UNC5A: variants seen among roughly 807,000 people sequenced by gnomAD.
UNC5A encodes the protein unc-5 netrin receptor A.
A neutral mutation model predicts 87.4 loss-of-function variants in UNC5A; 20 were observed. The ratio of observed to expected loss-of-function variants is 0.23; its 90% confidence interval spans 0.16 to 0.33. The LOEUF is 0.33. Ranked by LOEUF, UNC5A falls within the 10% of genes least tolerant of loss-of-function variation. The pLI is 1.00. For missense variants in UNC5A, 844 were observed against 1,133.4 expected, an observed-to-expected ratio of 0.74 and a Z score of 3.67; for synonymous variants, 438 against 482.3, an observed-to-expected ratio of 0.91 and a Z score of 1.20.
In UNC5A at chr5:176,862,862, G is replaced by A. The variant is rs375786801; in HGVS notation, c.292+17G>A. ...GGAGCAGTGGTGAGCCGCATGGGGC[G>A]CCAGGCAGGGCCAATCCGGGGGAGG... On this transcript the variant is annotated intron_variant, in intron 2 of 14. Transcript: ENST00000329542. The A allele has an allele frequency of 1.2e-5, 19 of 1,611,068 alleles. No homozygotes were observed. Among genetic ancestry groups the A allele is most frequent in the East Asian group, 6.7e-5 (3 of 44,834 alleles).
At chr5:176,858,916 G>T (rs1379123304) in intron 1 of UNC5A, among the ~76,000 whole-genome samples, 2 of 152,150 alleles carry the variant, frequency 1.3e-5, no homozygotes, top group African/African-American at 4.8e-5. Flanking sequence ...CCGGGACACC[G>T]AGGGGGGGAC....
chr5:176,838,141 A>T lies in UNC5A; in HGVS notation c.71-24483A>T, dbSNP rs761126291. On this transcript the variant is annotated intron_variant, in intron 1 of 14. Transcript: ENST00000329542. The surrounding 1 kb of genome is among the most constrained non-coding windows in gnomAD (Gnocchi z 4.2). ...TCCAGGCAAAGTGGCCCTGCAGGTC[A>T]TGAAGTGTGAACAATTTATTATTTC... is the stretch of plus-strand genomic sequence containing the variant. Among the ~76,000 whole-genome samples, 12 of 152,174 alleles carry T rather than the reference A, an allele frequency of 7.9e-5. No individual in the cohort carries two copies. The highest frequency in any genetic ancestry group is 1.6e-4 in the Non-Finnish European group (11 of 68,030).
At chr5:176,872,592 A>G (rs1417606375) in intron 6 of UNC5A, among the ~76,000 whole-genome samples, 1 of 120,232 alleles carries the variant, frequency 8.3e-6, no homozygotes, top group Non-Finnish European at 1.7e-5. Flanking sequence ...TCGCCCCAAC[A>G]CCACAGCTTC....
intron 1 of UNC5A, among the ~76,000 whole-genome samples, chr5:176,855,923 C>T (rs1347401814): frequency 6.6e-6 from 1 of 152,202 alleles, no homozygotes; most frequent in East Asian, 1.9e-4. Context: ...AAGGGGCTGC[C>T]ACCCTGGCCC....
At chr5:176,817,142 G>A (rs1253739839) in intron 1 of UNC5A, among the ~76,000 whole-genome samples, 1 of 152,176 alleles carries the variant, frequency 6.6e-6, no homozygotes, top group African/African-American at 2.4e-5. Flanking sequence ...TGTGGTGGGA[G>A]CGCCAAGGGC....
chr5:176,870,695 A>G lies in UNC5A; in HGVS notation c.886+161A>G, dbSNP rs185090333. The G allele has an allele frequency of 3.0e-5, 25 of 820,188 alleles. No individual in the cohort carries two copies. In the Admixed American group the frequency reaches 5.9e-4, roughly 20 times the overall value. The allele number at this position is 820,188 out of a possible 1,614,324, so 50.8% of individuals were successfully genotyped here. ...CCCCTCATCCTTAGCATACCTGCAC[A>G]TGGGCCCAGGCGCGCCCCACCACCT... is the stretch of plus-strand genomic sequence containing the variant. On this transcript the variant is annotated intron_variant, in intron 6 of 14. Coordinates refer to ENST00000329542, the MANE Select transcript of UNC5A (RefSeq NM_133369.3).
rs1340053238 is a variant in UNC5A at position 176,875,941 on chromosome 5, G to A, written c.1379-1251G>A. Reference sequence around the variant, plus strand: ...CCCCTCATGGGGCTGTTGGGATGACGAGGTGAGACGGCATCTGTCAGCTCT... The same window carrying A: ...CCCCTCATGGGGCTGTTGGGATGACAAGGTGAGACGGCATCTGTCAGCTCT... On this transcript the variant is annotated intron_variant, in intron 8 of 14. Coordinates refer to ENST00000329542, the MANE Select transcript of UNC5A (RefSeq NM_133369.3). This position sits in a 1 kb window ranked among gnomAD's most constrained non-coding sequence, Gnocchi z 5.2. Among the ~76,000 whole-genome samples the A allele has an allele frequency of 2.6e-5, 4 of 152,268 alleles. No individual in the cohort carries two copies. The East Asian group carries it at 5.8e-4, about 22-fold the overall frequency.
chr5:176,811,934 G>A (rs966937615), intron 1 of UNC5A, among the ~76,000 whole-genome samples: 13 of 152,188 alleles, frequency 8.5e-5, no homozygotes, highest in Admixed American at 8.5e-4. Flanking sequence ...CAATGAGTGG[G>A]AGCTCAGGAG....
At chr5:176,812,702 G>A (rs1386804683) in intron 1 of UNC5A, among the ~76,000 whole-genome samples, 1 of 152,186 alleles carries the variant, frequency 6.6e-6, no homozygotes, top group Non-Finnish European at 1.5e-5. Context: ...TGCCCAGGGA[G>A]TCGGCAGGTG....
At chr5:176,847,810 G>A (rs1239961051) in intron 1 of UNC5A, among the ~76,000 whole-genome samples, 1 of 152,060 alleles carries the variant, frequency 6.6e-6, no homozygotes, top group African/African-American at 2.4e-5. Flanking sequence ...CACCCAAAGA[G>A]GCCCCTGGCC....
chr5:176,845,486 T>C (rs1441064224), intron 1 of UNC5A, among the ~76,000 whole-genome samples: 1 of 152,250 alleles, frequency 6.6e-6, no homozygotes, highest in African/African-American at 2.4e-5. Flanking sequence ...CGTTATGCAC[T>C]GCACCTGTGC....
chr5:176,879,314 C>G lies in UNC5A; in HGVS notation c.2189C>G (p.Thr730Arg). Residue 730 changes from threonine (T) to arginine (R), a missense_variant, in exon 14 of 15, where the codon ACA (threonine) becomes AGA (arginine). Transcript: ENST00000329542. ...FSINFNITKD[T>R]RFAELLALES... ...CTCTTTCCCTCCCACCTCCAGGACA[C>G]AAGGTTTGCTGAGCTGCTGGCTCTG... is the stretch of plus-strand genomic sequence containing the variant. 6.3e-7 allele frequency: 1 copy of G among 1,598,550 alleles called. No homozygotes were observed. The highest frequency in any genetic ancestry group is 8.5e-7 in the Non-Finnish European group (1 of 1,172,852).
chr5:176,811,334 G>T (rs1249062521), intron 1 of UNC5A, among the ~76,000 whole-genome samples: 2 of 152,154 alleles, frequency 1.3e-5, no homozygotes, highest in African/African-American at 4.8e-5. Context: ...CTCTGTCCCC[G>T]CCACACACGC....
At chr5:176,878,731 C>A in intron 13 of UNC5A, 92 bp downstream of exon 13, 20 of 1,480,100 alleles carry the variant, frequency 1.4e-5, no homozygotes, top group Non-Finnish European at 1.7e-5. Context: ...CCTGCCCTGC[C>A]ACCCACTCTC....
chr5:176,840,544 A>G lies in UNC5A; in HGVS notation c.71-22080A>G, dbSNP rs948484363. ...TTCATCTCTTTCTGCCTTTGAGAGA[A>G]CCCTCACCCTGTCTAGGATCCATTG... is the stretch of plus-strand genomic sequence containing the variant. On this transcript the variant is annotated intron_variant, in intron 1 of 14. Transcript: ENST00000329542. 3.9e-5 allele frequency among the ~76,000 whole-genome samples: 6 copies of G among 152,112 alleles called. No homozygotes were observed. The South Asian group carries it at 1.2e-3, about 32-fold the overall frequency.
chr5:176,840,090 C>G (rs1757239575), intron 1 of UNC5A, among the ~76,000 whole-genome samples: 1 of 152,142 alleles, frequency 6.6e-6, no homozygotes, highest in African/African-American at 2.4e-5. Flanking sequence ...CTCCTGACCT[C>G]AAGCAGTCAG....
rs750125880 is a variant in UNC5A, at chr5:176,879,480, C to T, written c.2355C>T (p.His785=). ...ADWRTLAQKL[H]LDSHLSFFAS... is the part of the protein sequence containing the mutation. ...GGCGGACTCTGGCCCAGAAACTCCA[C>T]CTGGACAGGTGGGCGGGAGAGGGGC... Residue 785 remains histidine (H), a synonymous_variant, in exon 14 of 15, where the codon CAC becomes CAT. Coordinates refer to ENST00000329542, the MANE Select transcript of UNC5A (RefSeq NM_133369.3). The T allele has an allele frequency of 6.2e-7, 1 of 1,607,746 alleles. No individual in the cohort carries two copies.
chr5:176,813,092 C>T (rs1290175806), intron 1 of UNC5A, among the ~76,000 whole-genome samples: 1 of 152,246 alleles, frequency 6.6e-6, no homozygotes, highest in Admixed American at 6.5e-5. Context: ...ACACAAAAGC[C>T]TGTCCCTTCA....
intron 1 of UNC5A, among the ~76,000 whole-genome samples, chr5:176,839,360 G>A (rs943132511): frequency 4.6e-5 from 7 of 152,260 alleles, no homozygotes; most frequent in African/African-American, 1.7e-4. Context: ...CTCTGTGGCA[G>A]CAAGGTCCCT....
Sources: gnomAD v4.1 joint callset for allele counts (sites outside exome capture counted in the v4.1 genomes callset) on GRCh38, gnomAD v4.1.1 for gene constraint, Gnocchi (gnomAD v3.1) non-coding constraint, MANE v1.5 for transcripts, NCBI Gene and HGNC (gene_info 2026-07-23, HGNC 2026-07-21) for gene names.